The following CMTM1 variants were observed in gnomAD, a reference collection of about 807,000 sequenced individuals.
The protein encoded by CMTM1 is CKLF-like MARVEL transmembrane domain-containing protein 1.
CMTM1 carries 16 observed loss-of-function variants against 17.8 expected under a neutral mutation model. The ratio of observed to expected loss-of-function variants is 0.90; its 90% confidence interval spans 0.61 to 1.37. CMTM1 has a LOEUF of 1.37. CMTM1 is among the 40% of genes most tolerant of loss of function. The pLI is 0.00. For synonymous variants in CMTM1, 169 were observed against 154.6 expected (o/e 1.09, Z -0.69); for missense variants, 354 against 375.6 (o/e 0.94, Z 0.47).
intron 1 of CMTM1, among the ~76,000 whole-genome samples, chr16:66,567,633 A>T (rs2012776780): frequency 6.6e-6 from 1 of 152,250 alleles, no homozygotes; most frequent in South Asian, 2.1e-4. Flanking sequence ...GGAATTTATA[A>T]GTTAGGAAAC....
chr16:66,578,813 T>C lies in CMTM1; in HGVS notation c.691-18T>C. ...TAACCCCGTCTTTCCTTCCCGCATATGGTCTTGTATCTGACAGTCCCTGTG... is the reference window on the plus strand; with the variant it reads ...TAACCCCGTCTTTCCTTCCCGCATACGGTCTTGTATCTGACAGTCCCTGTG... On this transcript the variant is annotated intron_variant, in intron 3 of 3. Transcript: ENST00000379500. 6.2e-7 allele frequency: 1 copy of C among 1,609,968 alleles called. No individual in the cohort carries two copies. Among genetic ancestry groups the C allele is most frequent in the Non-Finnish European group, 8.5e-7 (1 of 1,176,512 alleles).
At chr16:66,568,612 C>A (rs146330618) in intron 1 of CMTM1, among the ~76,000 whole-genome samples, 1 of 152,080 alleles carries the variant, frequency 6.6e-6, no homozygotes, top group Non-Finnish European at 1.5e-5. Flanking sequence ...GGTGGCCAGG[C>A]GCAGTGACTC....
At chr16:66,573,094 C>T (rs1326333058) in intron 2 of CMTM1, among the ~76,000 whole-genome samples, 2 of 152,138 alleles carry the variant, frequency 1.3e-5, no homozygotes, top group Admixed American at 6.5e-5. Context: ...AGACACAGGT[C>T]CTGCTTTCAA....
At position 66,578,861 on chromosome 16, in the gene CMTM1, T is replaced by C; in HGVS notation, c.721T>C (p.Cys241Arg). 4 of 1,614,214 alleles carry C rather than the reference T, an allele frequency of 2.5e-6. No individual in the cohort carries two copies. Among genetic ancestry groups the C allele is most frequent in the Non-Finnish European group, 3.4e-6 (4 of 1,180,026 alleles). ...SLCLTAVIVC[C>R]IDAFVVTTKM... ...GTGTCTCACAGCGGTAATCGTGTGT[T>C]GCATCGATGCGTTTGTGGTCACCAC... is the stretch of plus-strand genomic sequence containing the variant. The change falls in exon 4 of 4, where the codon TGC (cysteine) becomes CGC (arginine). Residue 241 changes from cysteine to arginine, a missense_variant. Physicochemically the swap from Cys to Arg is radical, Grantham distance 180. Transcript: ENST00000379500.
Position 66,570,099 on chromosome 16 carries a change from G to A in CMTM1, c.591+5G>A. 6.3e-7 allele frequency: 1 copy of A among 1,581,090 alleles called. No individual in the cohort carries two copies. The highest frequency in any genetic ancestry group is 8.6e-7 in the Non-Finnish European group (1 of 1,167,168). ...TATTTACATTGGCCCTTACTTGTAA[G>A]TGTTCATTTTTACAATTCTTCAAAT... On this transcript the variant is annotated splice_donor_5th_base_variant and intron_variant, in intron 2 of 3. Transcript: ENST00000379500.
intron 2 of CMTM1, among the ~76,000 whole-genome samples, chr16:66,571,461 T>G (rs2013521870): frequency 6.6e-6 from 1 of 152,190 alleles, no homozygotes; most frequent in Non-Finnish European, 1.5e-5. Context: ...TGCCAGAAAC[T>G]CAGATATGCA....
intron 1 of CMTM1, 160 bp downstream of exon 1, chr16:66,567,105 C>T (rs1455259270): frequency 1.4e-6 from 1 of 736,014 alleles, no homozygotes; most frequent in Admixed American, 2.0e-5. Context: ...CTGCTCCCCA[C>T]ACACTAAACC....
At position 66,573,568 on chromosome 16, in the gene CMTM1, C is replaced by CA. The variant is rs374820686; in HGVS notation, c.591+3480dup. Among the ~76,000 whole-genome samples, 716 of 149,868 alleles carry CA rather than the reference C, an allele frequency of 4.8e-3. 1 individual carries two copies. Among genetic ancestry groups the CA allele is most frequent in the Non-Finnish European group, 8.7e-3 (590 of 67,646 alleles). ...AAGGAATAAACATTTTAAACTAAAA[C>CA]AAAAAATGAAACCAATGAAAGTTGC... On this transcript the variant is annotated intron_variant, in intron 2 of 3. Transcript: ENST00000379500.
At chr16:66,574,305 C>A (rs1421224919) in intron 2 of CMTM1, among the ~76,000 whole-genome samples, 1 of 152,178 alleles carries the variant, frequency 6.6e-6, no homozygotes, top group Non-Finnish European at 1.5e-5. Flanking sequence ...GGATATCTGT[C>A]TCTCTGCCCA....
intron 3 of CMTM1, 25 bp downstream of exon 3, chr16:66,577,227 A>G: frequency 6.3e-7 from 1 of 1,578,274 alleles, no homozygotes; most frequent in Non-Finnish European, 8.7e-7. Context: ...TCATGACTCC[A>G]TTTAAGATCA....
At chr16:66,576,141 A>G (rs1476045382) in intron 2 of CMTM1, among the ~76,000 whole-genome samples, 2 of 152,188 alleles carry the variant, frequency 1.3e-5, no homozygotes, top group Non-Finnish European at 2.9e-5. Context: ...TCACGCCTAT[A>G]ATCCCAGCAC....
chr16:66,567,082 TCCC>T, intron 1 of CMTM1, 137 bp downstream of exon 1: 1 of 838,132 alleles, frequency 1.2e-6, no homozygotes, highest in Non-Finnish European at 2.0e-6. Context: ...TCACCTTTCC[TCCC>T]CACCACCCCC....
At chr16:66,571,635 C>A (rs1208602497) in intron 2 of CMTM1, among the ~76,000 whole-genome samples, 3 of 152,180 alleles carry the variant, frequency 2.0e-5, no homozygotes, top group Admixed American at 6.5e-5. Flanking sequence ...TATCTTGTTT[C>A]CTCATGCTTT....
chr16:66,574,787 T>G (rs2014020436), intron 2 of CMTM1, among the ~76,000 whole-genome samples: 1 of 152,230 alleles, frequency 6.6e-6, no homozygotes, highest in Non-Finnish European at 1.5e-5. Context: ...TGGTTAGTGG[T>G]CAGAGAAACT....
chr16:66,572,868 T>G (rs2144646586), intron 2 of CMTM1, among the ~76,000 whole-genome samples: 1 of 152,200 alleles, frequency 6.6e-6, no homozygotes, highest in Admixed American at 6.5e-5. Flanking sequence ...AGGGTAAAAG[T>G]CTCCACCAGG....
rs747462304 is a variant in CMTM1 at position 66,578,941 on chromosome 16, T to A, written c.801T>A (p.Leu267=). ...TGGGAGTCGAAGTTGAAAGGAAGCT[T>A]TCCCCCGCCAAGGACGCCTACCCCG... is the stretch of plus-strand genomic sequence containing the variant. The part of the protein sequence containing the change: ...RFLGVEVERK[L]SPAKDAYPET... The change falls in exon 4 of 4, where the codon CTT becomes CTA. Residue 267 remains leucine (L), a synonymous_variant. Coordinates refer to ENST00000379500, the MANE Select transcript of CMTM1 (RefSeq NM_052999.4). 1.2e-6 allele frequency: 2 copies of A among 1,614,040 alleles called. No individual in the cohort carries two copies. Among genetic ancestry groups the A allele is most frequent in the Non-Finnish European group, 1.7e-6 (2 of 1,179,992 alleles).
Position 66,566,604 on chromosome 16 carries a change from G to A in CMTM1, c.91G>A (p.Gly31Ser). The change falls in exon 1 of 4, where the codon GGC becomes AGC. Residue 31 changes from glycine to serine, a missense_variant. By Grantham distance (56) the Gly-to-Ser change is moderately conservative. Coordinates refer to ENST00000379500, the MANE Select transcript of CMTM1 (RefSeq NM_052999.4). The surrounding 1 kb of genome is among the most constrained non-coding windows in gnomAD (Gnocchi z 4.9). ...PETAAALASS[G>S]SVVSSVPKAQ... ...GACTGCCGCAGCCCTGGCAAGTAGCGGCAGCGTAGTGAGTTCTGTACCCAA... is the reference window on the plus strand; with the variant it reads ...GACTGCCGCAGCCCTGGCAAGTAGCAGCAGCGTAGTGAGTTCTGTACCCAA... 1.2e-6 allele frequency: 2 copies of A among 1,613,996 alleles called. No homozygotes were observed. Among genetic ancestry groups the A allele is most frequent in the Non-Finnish European group, 1.7e-6 (2 of 1,179,968 alleles).
intron 2 of CMTM1, among the ~76,000 whole-genome samples, chr16:66,575,495 A>G (rs1308704738): frequency 6.6e-6 from 1 of 152,208 alleles, no homozygotes; most frequent in Non-Finnish European, 1.5e-5. Context: ...CATTCCACAG[A>G]AAATGCCAAA....
chr16:66,574,310 T>G (rs567340077), intron 2 of CMTM1, among the ~76,000 whole-genome samples: 5 of 152,308 alleles, frequency 3.3e-5, no homozygotes, highest in Non-Finnish European at 5.9e-5. Context: ...TCTGTCTCTC[T>G]GCCCAGATGA....
Sources: gnomAD v4.1 joint callset for allele counts (sites outside exome capture counted in the v4.1 genomes callset) on GRCh38, gnomAD v4.1.1 for gene constraint, Gnocchi (gnomAD v3.1) non-coding constraint, MANE v1.5 for transcripts, NCBI Gene and HGNC (gene_info 2026-07-23, HGNC 2026-07-21) for gene names.